KAZN: variants seen among roughly 807,000 people sequenced by gnomAD.
KAZN encodes kazrin, periplakin interacting protein.
Under a neutral mutation model 87.4 loss-of-function variants are expected in KAZN, and 40 were observed. The ratio of observed to expected loss-of-function variants is 0.46; its 90% CI spans 0.36 to 0.60. The LOEUF is 0.60. KAZN is among the 20% of genes least tolerant of loss of function. The pLI is 0.00. For synonymous variants in KAZN, 466 were observed against 458.3 expected, an observed-to-expected ratio of 1.02 and a Z score of -0.22; for missense variants, 898 against 1,073.9, an observed-to-expected ratio of 0.84 and a Z score of 2.29.
Position 15,056,189 on chromosome 1 carries a change from G to A in KAZN, c.825G>A (p.Val275=). The part of the protein sequence containing the change: ...ETVLNGNQEW[V]VQADLPLTAA... ...TGCTCAATGGCAACCAGGAGTGGGT[G>A]GTGCAGGCGGACCTCCCGCTGACCG... The change falls in exon 5 of 15, where the codon GTG becomes GTA. Residue 275 remains valine (V), a synonymous_variant. Coordinates refer to ENST00000376030, the MANE Select transcript of KAZN (RefSeq NM_201628.3). The surrounding 1 kb of genome is among the most constrained non-coding windows in gnomAD (Gnocchi z 5.4). The A allele has an allele frequency of 1.2e-6, 2 of 1,614,164 alleles. No individual in the cohort carries two copies. The highest frequency in any genetic ancestry group is 1.7e-6 in the Non-Finnish European group (2 of 1,180,026).
intron 2 of KAZN, among the ~76,000 whole-genome samples, chr1:14,257,975 G>GAAAAAAAAAAAAAAAAAA (rs201805345): frequency 1.1e-5 from 1 of 87,976 alleles, no homozygotes; most frequent in Non-Finnish European, 2.3e-5. Context: ...AAAAAAAAGA[G>GAAAAAAAAAAAAAAAAAA]AAAAAAAAAA....
rs1354569847 is a variant in KAZN, at chr1:13,963,153, T to C, written c.91+69397T>C. ...AAAATCTCTCTAATGTCTGTGGTGATGGGGAGTGGGGAAAGAGGGGCTGGA... is the reference window on the plus strand; with the variant it reads ...AAAATCTCTCTAATGTCTGTGGTGACGGGGAGTGGGGAAAGAGGGGCTGGA... On this transcript the variant is annotated intron_variant, in intron 1 of 16. Transcript: ENST00000636203. Among the ~76,000 whole-genome samples the C allele has an allele frequency of 2.0e-5, 3 of 152,026 alleles. No homozygotes were observed. The East Asian group carries it at 5.8e-4, about 29-fold the overall frequency.
rs3863764 is a variant in KAZN, at chr1:14,834,808, T to TTATTAGTATTAG, written c.227-125858_227-125847dup. Among the ~76,000 whole-genome samples the TTATTAGTATTAG allele has an allele frequency of 4.1e-3, 626 of 151,634 alleles. 6 individuals carry two copies. Among genetic ancestry groups the TTATTAGTATTAG allele is most frequent in the African/African-American group, 0.014 (589 of 41,154 alleles). On this transcript the variant is annotated intron_variant, in intron 1 of 14. Transcript: ENST00000376030. The stretch of plus-strand genomic sequence containing the variant: ...TGATGGAGCTTGGAGCCTAGGGGAA[T>TTATTAGTATTAG]TATTAGTATTAGTATTAGTATTAGT...
At chr1:14,214,293 C>T (rs997359812) in intron 2 of KAZN, among the ~76,000 whole-genome samples, 1 of 152,060 alleles carries the variant, frequency 6.6e-6, no homozygotes, top group Non-Finnish European at 1.5e-5. Flanking sequence ...ATTTGCTTAT[C>T]GGTTTGTTGT....
chr1:14,024,913 C>G (rs1260089915), intron 1 of KAZN, among the ~76,000 whole-genome samples: 1 of 152,156 alleles, frequency 6.6e-6, no homozygotes, highest in Non-Finnish European at 1.5e-5. Flanking sequence ...TAATATACAC[C>G]AAGGATGGAA....
intron 2 of KAZN, among the ~76,000 whole-genome samples, chr1:15,012,419 T>TG (rs994385552): frequency 3.9e-5 from 6 of 152,102 alleles, no homozygotes; most frequent in African/African-American, 9.7e-5. Context: ...TGAGTAAGGA[T>TG]GGGGGGTTGG....
intron 1 of KAZN, among the ~76,000 whole-genome samples, chr1:14,827,858 C>T (rs1646942607): frequency 6.6e-6 from 1 of 152,246 alleles, no homozygotes; most frequent in Non-Finnish European, 1.5e-5. Flanking sequence ...GAGCCCCTAA[C>T]TTGGGGTTTC....
intron 1 of KAZN, among the ~76,000 whole-genome samples, chr1:14,755,277 C>A (rs1255835839): frequency 6.6e-6 from 1 of 151,742 alleles, no homozygotes; most frequent in Non-Finnish European, 1.5e-5. Flanking sequence ...AAAAAACAGG[C>A]CTTGCAAGGT....
intron 4 of KAZN, among the ~76,000 whole-genome samples, chr1:15,048,113 G>A (rs1442708115): frequency 6.6e-6 from 1 of 152,176 alleles, no homozygotes; most frequent in African/African-American, 2.4e-5. Flanking sequence ...TGAGGGGTGA[G>A]CAGCCCCTCA....
intron 1 of KAZN, among the ~76,000 whole-genome samples, chr1:14,811,204 T>C (rs904780520): frequency 6.6e-6 from 1 of 152,212 alleles, no homozygotes; most frequent in Non-Finnish European, 1.5e-5. Flanking sequence ...TTCCCCACCC[T>C]GTCCCCTCAC....
rs113303906 is a variant in KAZN at position 14,056,309 on chromosome 1, T to C, written c.92-124126T>C. Among the ~76,000 whole-genome samples, 1,098 of 152,344 alleles carry C rather than the reference T, an allele frequency of 7.2e-3. 11 individuals are homozygous for C. The highest frequency in any genetic ancestry group is 0.025 in the African/African-American group (1,049 of 41,568). On this transcript the variant is annotated intron_variant, in intron 1 of 16. Transcript: ENST00000636203. ...TCCCAGATGGTTTGGTAGGATGATG[T>C]AATCACAAGGGTTCTTCCATGATGA...
chr1:14,654,115 T>A (rs1638630990), intron 1 of KAZN, among the ~76,000 whole-genome samples: 1 of 152,012 alleles, frequency 6.6e-6, no homozygotes, highest in Admixed American at 6.6e-5. Context: ...GTGAAACCCC[T>A]GTCTCTACCA....
intron 1 of KAZN, among the ~76,000 whole-genome samples, chr1:14,857,058 C>T (rs754112668): frequency 5.3e-5 from 8 of 152,148 alleles, no homozygotes; most frequent in Non-Finnish European, 1.0e-4. Flanking sequence ...GCCAACCACG[C>T]GTGAAGGTGG....
At chr1:14,383,076 TGAGCA>T (rs1661518497) in intron 2 of KAZN, among the ~76,000 whole-genome samples, 1 of 151,646 alleles carries the variant, frequency 6.6e-6, no homozygotes, top group African/African-American at 2.4e-5. Flanking sequence ...CCAGTGATGG[TGAGCA>T]TTGTTTCATG....
At chr1:14,741,564 C>T (rs188301559) in intron 1 of KAZN, among the ~76,000 whole-genome samples, 21 of 152,334 alleles carry the variant, frequency 1.4e-4, no homozygotes, top group Non-Finnish European at 2.4e-4. Flanking sequence ...GTCAGGATAG[C>T]GTGTGACAGT....
At position 14,811,882 on chromosome 1, in the gene KAZN, C is replaced by T. The variant is rs913279426; in HGVS notation, c.227-148802C>T. 4.6e-5 allele frequency among the ~76,000 whole-genome samples: 7 copies of T among 152,202 alleles called. No homozygotes were observed. The South Asian group carries it at 1.2e-3, about 27-fold the overall frequency. ...ATGTTACAGACTTGGCCCAAGGTCA[C>T]GCAGTGAGTAAATGGAAGAATGAAA... On this transcript the variant is annotated intron_variant, in intron 1 of 14. Coordinates refer to ENST00000376030, the MANE Select transcript of KAZN (RefSeq NM_201628.3).
At chr1:14,853,315 T>G (rs952941909) in intron 1 of KAZN, among the ~76,000 whole-genome samples, 1 of 151,984 alleles carries the variant, frequency 6.6e-6, no homozygotes, top group African/African-American at 2.4e-5. Flanking sequence ...GGGCATCCAA[T>G]GGGAGAGGAC....
At chr1:14,808,736 G>A (rs1275628976) in intron 1 of KAZN, among the ~76,000 whole-genome samples, 2 of 152,180 alleles carry the variant, frequency 1.3e-5, no homozygotes, top group African/African-American at 4.8e-5. Flanking sequence ...TTGGGCCACA[G>A]ATAACAGAAT....
At chr1:14,656,670 A>C (rs1638811663) in intron 1 of KAZN, among the ~76,000 whole-genome samples, 1 of 152,214 alleles carries the variant, frequency 6.6e-6, no homozygotes, top group Non-Finnish European at 1.5e-5. Context: ...GCACAGTCTT[A>C]CATGGCCGGA....
Sources: gnomAD v4.1 joint callset for allele counts (sites outside exome capture counted in the v4.1 genomes callset) on GRCh38, gnomAD v4.1.1 for gene constraint, Gnocchi (gnomAD v3.1) non-coding constraint, MANE v1.5 for transcripts, NCBI Gene and HGNC (gene_info 2026-07-23, HGNC 2026-07-21) for gene names.